The following C5 variants were observed in gnomAD, a reference collection of about 807,000 sequenced individuals.
C5 encodes the protein complement C5, also known as C3 and PZP-like alpha-2-macroglobulin domain-containing protein 4.
A neutral mutation model predicts 218.8 loss-of-function variants in C5; 140 were observed. That is an observed-to-expected ratio of 0.64 (90% confidence interval 0.56 to 0.74). The LOEUF (loss-of-function observed/expected upper bound fraction) is 0.74. Among genes scored for constraint, C5 ranks in the 30% least tolerant of loss-of-function variants. The probability of loss-of-function intolerance (pLI) is 0.00; values close to 1 mark genes in which losing one functional copy is unlikely to be tolerated. For missense variants in C5, 1,700 were observed against 1,969.6 expected (o/e 0.86, Z 2.59); for synonymous variants, 614 against 682.3 (o/e 0.90, Z 1.56).
intron 34 of C5, among the ~76,000 whole-genome samples, chr9:120,963,373 G>A (rs926840767): frequency 1.2e-4 from 18 of 152,100 alleles, no homozygotes; most frequent in African/African-American, 4.1e-4. Context: ...CAGGTGTGGT[G>A]GTGCATGCCT....
At chr9:121,070,384 G>GATATATAT in the C5 span, among the ~76,000 whole-genome samples, 402 of 72,716 alleles carry the variant, frequency 5.5e-3, 1 homozygote, top group African/African-American at 6.5e-3. Flanking sequence ...AAGGAAGGGT[G>GATATATAT]ATATATATAT....
chr9:121,066,532 T>C, the C5 span, among the ~76,000 whole-genome samples: 1 of 151,906 alleles, frequency 6.6e-6, no homozygotes, highest in Non-Finnish European at 1.5e-5. Context: ...GCAACAGTCA[T>C]AGCCTTCATG....
chr9:121,016,242 T>C lies in C5; in HGVS notation c.1996+12A>G, dbSNP rs1239235610. 6.2e-7 allele frequency: 1 copy of C among 1,613,890 alleles called. No individual in the cohort carries two copies. The highest frequency in any genetic ancestry group is 2.2e-5 in the East Asian group (1 of 44,878). ...ATGGGATTTTCAGTAATAAACATGC[T>C]GAGCATTTTACCATTTTCTTGGGAG... On this transcript the variant is annotated intron_variant, in intron 15 of 40. Coordinates refer to ENST00000223642, the MANE Select transcript of C5 (RefSeq NM_001735.3).
chr9:120,964,547 T>C (rs1213206720), intron 33 of C5, among the ~76,000 whole-genome samples: 1 of 152,250 alleles, frequency 6.6e-6, no homozygotes, highest in Non-Finnish European at 1.5e-5. Flanking sequence ...TTATCTCTTT[T>C]CTTTTTCATG....
intron 20 of C5, among the ~76,000 whole-genome samples, chr9:121,003,787 ACTCT>A (rs35882812): frequency 0.022 from 3,293 of 152,288 alleles, 125 homozygotes; most frequent in African/African-American, 0.076. Flanking sequence ...TTTATGCCAA[ACTCT>A]CTCTCATTTC....
chr9:120,996,469 C>G (rs1041072285), intron 21 of C5, among the ~76,000 whole-genome samples, 169 bp from the exon 22 acceptor site: 1 of 152,192 alleles, frequency 6.6e-6, no homozygotes, highest in East Asian at 1.9e-4. Context: ...GATTTTATGG[C>G]TATTTGCATA....
In C5 at chr9:121,044,347, C is replaced by T. The variant is rs149122785; in HGVS notation, c.259-1181G>A. Among the ~76,000 whole-genome samples, 454 of 152,044 alleles carry T rather than the reference C, an allele frequency of 3.0e-3. 2 individuals are homozygous for T. Among genetic ancestry groups the T allele is most frequent in the African/African-American group, 0.01 (432 of 41,488 alleles). On this transcript the variant is annotated intron_variant, in intron 2 of 40. Coordinates refer to ENST00000223642, the MANE Select transcript of C5 (RefSeq NM_001735.3). ...AAAATTAGCCAGGTGTGGTGGTGCA[C>T]GCCTGTTAATCCCAGCTACTTGAGA...
At chr9:120,966,763 G>A (rs184461324) in intron 33 of C5, among the ~76,000 whole-genome samples, 8 of 152,306 alleles carry the variant, frequency 5.3e-5, no homozygotes, top group Admixed American at 1.3e-4. Context: ...GGAACAGAGA[G>A]CAGGGACTGG....
At chr9:120,981,478 C>A (rs2046992211) in intron 27 of C5, among the ~76,000 whole-genome samples, 1 of 152,172 alleles carries the variant, frequency 6.6e-6, no homozygotes, top group South Asian at 2.1e-4. Flanking sequence ...ATAACAGTAA[C>A]ATATAAAGCA....
chr9:121,016,571 T>A (rs2047309140), intron 14 of C5, among the ~76,000 whole-genome samples, 188 bp from the exon 15 acceptor site: 1 of 152,244 alleles, frequency 6.6e-6, no homozygotes, highest in African/African-American at 2.4e-5. Context: ...TATAAATACA[T>A]AACTATTCAA....
chr9:120,953,628 T>G (rs41258384), intron 40 of C5, 102 bp downstream of exon 40: 2 of 1,180,714 alleles, frequency 1.7e-6, no homozygotes, highest in Non-Finnish European at 2.5e-6. Context: ...AAATGGTTTG[T>G]TGGTTAAGAG....
the C5 span, among the ~76,000 whole-genome samples, chr9:121,061,578 T>C: frequency 6.6e-6 from 1 of 152,342 alleles, no homozygotes; most frequent in Non-Finnish European, 1.5e-5. Flanking sequence ...TCTGTAGTCT[T>C]TCCCTCAATT....
At chr9:121,036,639 C>A (rs2047527741) in intron 4 of C5, among the ~76,000 whole-genome samples, 1 of 152,036 alleles carries the variant, frequency 6.6e-6, no homozygotes, top group Admixed American at 6.6e-5. Context: ...ATGGTCTTCA[C>A]TATTTTTAAA....
chr9:121,017,282 C>G, intron 14 of C5, 80 bp downstream of exon 14: 1 of 1,540,432 alleles, frequency 6.5e-7, no homozygotes, highest in Non-Finnish European at 8.9e-7. Flanking sequence ...CAGGCCTAGT[C>G]TTCCCTTAGT....
intron 2 of C5, among the ~76,000 whole-genome samples, chr9:121,045,255 A>G (rs2047617403): frequency 6.6e-6 from 1 of 152,156 alleles, no homozygotes; most frequent in Non-Finnish European, 1.5e-5. Flanking sequence ...CTTAAACTTG[A>G]GTAATATGCA....
chr9:120,953,394 G>C (rs2046760951), intron 40 of C5, among the ~76,000 whole-genome samples: 1 of 152,198 alleles, frequency 6.6e-6, no homozygotes, highest in Non-Finnish European at 1.5e-5. Flanking sequence ...TCAATGACTA[G>C]TTTCTAAAAG....
At chr9:121,039,171 T>A (rs1372225118) in intron 3 of C5, among the ~76,000 whole-genome samples, 1 of 152,184 alleles carries the variant, frequency 6.6e-6, no homozygotes, top group East Asian at 1.9e-4. Context: ...AATGCAAAGC[T>A]TTTGCATAGC....
intron 33 of C5, among the ~76,000 whole-genome samples, chr9:120,968,331 C>T (rs906083269): frequency 6.6e-6 from 1 of 152,036 alleles, no homozygotes; most frequent in African/African-American, 2.4e-5. Context: ...CAGAGAGGGG[C>T]CACAAGCCAA....
At position 120,958,249 on chromosome 9, in the gene C5, T is replaced by C. The variant is rs548630411; in HGVS notation, c.4679-881A>G. Among the ~76,000 whole-genome samples the C allele has an allele frequency of 3.9e-5, 6 of 152,344 alleles. No homozygotes were observed. In the East Asian group the frequency reaches 1.2e-3, roughly 29 times the overall value. On this transcript the variant is annotated intron_variant, in intron 38 of 40. Coordinates refer to ENST00000223642, the MANE Select transcript of C5 (RefSeq NM_001735.3). ...CTTTCAGATTCATAAGTCTTTATAA[T>C]GGACATGGGCAATGTACTTACTATG...
Sources: gnomAD v4.1 joint callset for allele counts (sites outside exome capture counted in the v4.1 genomes callset) on GRCh38, gnomAD v4.1.1 for gene constraint, MANE v1.5 for transcripts, NCBI Gene and HGNC (gene_info 2026-07-23, HGNC 2026-07-21) for gene names.